ESRRG: variants seen among roughly 807,000 people sequenced by gnomAD.
ESRRG encodes the protein estrogen related receptor gamma.
A neutral mutation model predicts 44.0 loss-of-function variants in ESRRG; 13 were observed. The observed-to-expected ratio is 0.30, with a 90% CI of 0.19 to 0.47. The LOEUF (loss-of-function observed/expected upper bound fraction) is 0.47, where lower values mean the gene tolerates loss of function less well. ESRRG is among the 20% of genes least tolerant of loss of function. The pLI is 1.00. For missense variants in ESRRG, 395 were observed against 580.6 expected, an observed-to-expected ratio of 0.68 and a Z score of 3.29; for synonymous variants, 215 against 214.6, an observed-to-expected ratio of 1.00 and a Z score of -0.02.
intron 5 of ESRRG, among the ~76,000 whole-genome samples, chr1:216,522,457 T>C (rs1482186376): frequency 6.6e-6 from 1 of 152,036 alleles, no homozygotes. Flanking sequence ...TTCTTCTATC[T>C]TTTCTTGGTC....
intron 1 of ESRRG, among the ~76,000 whole-genome samples, chr1:217,086,547 G>C (rs1580519871): frequency 6.6e-6 from 1 of 152,160 alleles, no homozygotes; most frequent in Admixed American, 6.5e-5. Flanking sequence ...TAATTGAAAA[G>C]TATAATGACT....
intron 2 of ESRRG, among the ~76,000 whole-genome samples, chr1:216,939,230 G>A (rs2064706633): frequency 6.6e-6 from 1 of 150,828 alleles, no homozygotes; most frequent in South Asian, 2.1e-4. Flanking sequence ...TCAGCTTACT[G>A]GTCAGTATAG....
intron 1 of ESRRG, among the ~76,000 whole-genome samples, chr1:216,994,154 G>T (rs1279756205): frequency 6.6e-6 from 1 of 152,136 alleles, no homozygotes; most frequent in Non-Finnish European, 1.5e-5. Context: ...CTTTAAAGTA[G>T]ATTACATGTC....
At chr1:217,061,138 T>A (rs1383994253) in intron 1 of ESRRG, among the ~76,000 whole-genome samples, 1 of 152,030 alleles carries the variant, frequency 6.6e-6, no homozygotes, top group Non-Finnish European at 1.5e-5. Flanking sequence ...GAGTTAACAA[T>A]GTGTAAAATG....
chr1:216,911,197 T>G (rs2060259491), intron 2 of ESRRG, among the ~76,000 whole-genome samples: 1 of 152,210 alleles, frequency 6.6e-6, no homozygotes, highest in African/African-American at 2.4e-5. Flanking sequence ...GTTTTATTTT[T>G]AATTGCCAAA....
intron 2 of ESRRG, among the ~76,000 whole-genome samples, chr1:216,848,409 T>A (rs2095792872): frequency 6.6e-6 from 1 of 151,946 alleles, no homozygotes; most frequent in Non-Finnish European, 1.5e-5. Flanking sequence ...TTTTTTTTTT[T>A]TTGACTCATT....
intron 1 of ESRRG, among the ~76,000 whole-genome samples, chr1:217,106,363 C>T (rs2092595936): frequency 6.6e-6 from 1 of 150,746 alleles, no homozygotes; most frequent in African/African-American, 2.5e-5. Flanking sequence ...TTATACCACA[C>T]ACATACATCT....
At chr1:216,670,736 T>C (rs1460400139) in intron 2 of ESRRG, among the ~76,000 whole-genome samples, 1 of 152,094 alleles carries the variant, frequency 6.6e-6, no homozygotes, top group Non-Finnish European at 1.5e-5. Flanking sequence ...AACAGCTGTT[T>C]GGAAGGGGTC....
At chr1:217,075,737 C>G (rs1191321197) in intron 1 of ESRRG, among the ~76,000 whole-genome samples, 7 of 152,046 alleles carry the variant, frequency 4.6e-5, no homozygotes, top group Non-Finnish European at 8.8e-5. Flanking sequence ...CAATAAGGCT[C>G]TCCAACATCT....
chr1:216,913,137 A>G (rs948910403), intron 2 of ESRRG, among the ~76,000 whole-genome samples: 3 of 151,162 alleles, frequency 2.0e-5, no homozygotes, highest in African/African-American at 7.3e-5. Flanking sequence ...AAAAAAGGAA[A>G]GAAAGACAGA....
At position 216,732,851 on chromosome 1, in the gene ESRRG, G is replaced by A. The variant is rs201761281; in HGVS notation, c.-13-55360C>T. 6.9e-4 allele frequency among the ~76,000 whole-genome samples: 101 copies of A among 147,196 alleles called. 2 individuals are homozygous for A. In the East Asian group the frequency reaches 0.012, roughly 17 times the overall value. On this transcript the variant is annotated intron_variant, in intron 2 of 7. Coordinates refer to the ESRRG transcript ENST00000359162. ...CATCTCTAAAATTAAAAAAAAAAAG[G>A]GGGGGGAGGAGGGGGACTCTTGTGG... is the stretch of plus-strand genomic sequence containing the variant.
At chr1:217,068,887 C>T (rs755461208) in intron 1 of ESRRG, among the ~76,000 whole-genome samples, 23 of 152,296 alleles carry the variant, frequency 1.5e-4, no homozygotes, top group Admixed American at 1.3e-3. Flanking sequence ...TTCCCCTCCA[C>T]GTCCAGCATT....
At chr1:216,979,720 T>C (rs138913935) in intron 1 of ESRRG, among the ~76,000 whole-genome samples, 1 of 152,284 alleles carries the variant, frequency 6.6e-6, no homozygotes, top group East Asian at 1.9e-4. Context: ...GACTTAGAAC[T>C]CTGGCTCCCT....
At chr1:216,783,942 C>A (rs1365550563) in intron 2 of ESRRG, among the ~76,000 whole-genome samples, 2 of 152,200 alleles carry the variant, frequency 1.3e-5, no homozygotes, top group Admixed American at 6.6e-5. Context: ...TTAGCTTGCA[C>A]TTGTCTGCAA....
chr1:216,576,156 A>G (rs2061643382), intron 3 of ESRRG, among the ~76,000 whole-genome samples: 1 of 152,050 alleles, frequency 6.6e-6, no homozygotes, highest in African/African-American at 2.4e-5. Flanking sequence ...AGGGAGTCCC[A>G]CAGAGTCTAT....
intron 2 of ESRRG, among the ~76,000 whole-genome samples, chr1:216,733,291 G>T (rs2089241291): frequency 6.7e-6 from 1 of 149,646 alleles, no homozygotes; most frequent in African/African-American, 2.5e-5. Context: ...TTTGGGGCCT[G>T]GGTATGTTAC....
chr1:216,766,313 T>C (rs780308495), intron 2 of ESRRG, among the ~76,000 whole-genome samples: 21 of 151,860 alleles, frequency 1.4e-4, no homozygotes, highest in Non-Finnish European at 2.8e-4. Context: ...TGGAGGGAGG[T>C]ACAATTATGC....
chr1:216,771,758 G>C (rs946470), intron 2 of ESRRG, among the ~76,000 whole-genome samples: 1 of 150,792 alleles, frequency 6.6e-6, no homozygotes, highest in Non-Finnish European at 1.5e-5. Context: ...TCCTGTGATA[G>C]CATTAGAAAT....
intron 3 of ESRRG, among the ~76,000 whole-genome samples, chr1:216,569,852 C>A (rs534470373): frequency 6.6e-6 from 1 of 152,116 alleles, no homozygotes; most frequent in Admixed American, 6.5e-5. Flanking sequence ...TAATATGCGA[C>A]GGGCTCTGTA....
Sources: allele counts gnomAD v4.1 joint callset (sites outside exome capture counted in the v4.1 genomes callset), GRCh38; gene constraint gnomAD v4.1.1; transcripts MANE v1.5; gene names NCBI Gene and HGNC (gene_info 2026-07-23, HGNC 2026-07-21).